Variants in KIF20B observed in about 807,000 individuals in gnomAD.
KIF20B encodes kinesin-like protein KIF20B.
KIF20B carries 188 observed loss-of-function variants against 232.5 expected under a neutral mutation model. The ratio of observed to expected loss-of-function variants is 0.81; its 90% CI spans 0.72 to 0.91. KIF20B has a LOEUF of 0.91. KIF20B is among the 40% of genes least tolerant of loss of function. The pLI is 0.00. For missense variants in KIF20B, 2,154 were observed against 2,055.9 expected (o/e 1.05, Z -0.92); for synonymous variants, 712 against 683.0 (o/e 1.04, Z -0.66).
At chr10:89,736,125 T>C (rs927421919) in intron 19 of KIF20B, among the ~76,000 whole-genome samples, 1 of 152,160 alleles carries the variant, frequency 6.6e-6, no homozygotes, top group Non-Finnish European at 1.5e-5. Flanking sequence ...AACAATGTTG[T>C]AAAGTCTACT....
At chr10:89,701,856 G>A (rs972668293) in intron 1 of KIF20B, 176 bp downstream of exon 1, 2 of 152,374 alleles carry the variant, frequency 1.3e-5, no homozygotes, top group African/African-American at 4.8e-5. Flanking sequence ...GGGGTACGCA[G>A]CGAGGAATGA....
chr10:89,716,272 T>G (rs1842932299), intron 8 of KIF20B, among the ~76,000 whole-genome samples, 164 bp from the exon 9 acceptor site: 1 of 152,226 alleles, frequency 6.6e-6, no homozygotes, highest in African/African-American at 2.4e-5. Context: ...TGTTACAATC[T>G]TCTCTGGTGT....
At chr10:89,724,281 T>G (rs1185748093) in intron 14 of KIF20B, among the ~76,000 whole-genome samples, 178 bp downstream of exon 14, 2 of 151,942 alleles carry the variant, frequency 1.3e-5, no homozygotes, top group Admixed American at 1.3e-4. Flanking sequence ...AATCCCAGCA[T>G]TTTGGGAGGC....
chr10:89,704,722 A>T (rs1369313246), intron 1 of KIF20B, among the ~76,000 whole-genome samples: 4 of 151,718 alleles, frequency 2.6e-5, no homozygotes, highest in African/African-American at 7.3e-5. Flanking sequence ...CGCCTGGCTA[A>T]TTTTTTTTGT....
chr10:89,759,826 T>A (rs1269860904), intron 27 of KIF20B, among the ~76,000 whole-genome samples: 4 of 152,174 alleles, frequency 2.6e-5, no homozygotes, highest in Non-Finnish European at 4.4e-5. Flanking sequence ...TCTTTCTTAT[T>A]TGGCAGTAAT....
chr10:89,747,792 C>T (rs1483687936), intron 23 of KIF20B, among the ~76,000 whole-genome samples: 3 of 151,836 alleles, frequency 2.0e-5, no homozygotes, highest in Non-Finnish European at 2.9e-5. Context: ...TGCTAGATGA[C>T]GAGTTAGTGG....
chr10:89,714,006 G>GA (rs1414234654), intron 6 of KIF20B, 41 bp from the exon 7 acceptor site: 49 of 1,025,992 alleles, frequency 4.8e-5, no homozygotes, highest in Non-Finnish European at 6.7e-5. Flanking sequence ...TAACCTTAAT[G>GA]AAAATGTTTT....
chr10:89,735,901 G>C (rs1426490010), intron 19 of KIF20B, among the ~76,000 whole-genome samples: 3 of 152,090 alleles, frequency 2.0e-5, no homozygotes, highest in African/African-American at 7.2e-5. Flanking sequence ...ATTGTCTTCT[G>C]CTCTTATAGA....
intron 22 of KIF20B, among the ~76,000 whole-genome samples, chr10:89,745,568 GT>G (rs78446026): frequency 0.31 from 47,300 of 150,970 alleles, 8,354 homozygotes; most frequent in African/African-American, 0.47. Flanking sequence ...CATATAAAGT[GT>G]TTTTTTTTAA....
At chr10:89,711,200 C>A in intron 6 of KIF20B, 55 bp downstream of exon 6, 1 of 1,072,194 alleles carries the variant, frequency 9.3e-7, no homozygotes, top group Non-Finnish European at 1.3e-6. Context: ...TCTTATAAAC[C>A]CTTTAGATTG....
Position 89,738,394 on chromosome 10 carries a change from C to G in KIF20B, c.3553C>G (p.Gln1185Glu), listed in dbSNP as rs147796970. The G allele has an allele frequency of 5.6e-5, 90 of 1,602,072 alleles. No individual in the cohort carries two copies. In the African/African-American group the frequency reaches 9.9e-4, roughly 18 times the overall value. The change falls in exon 20 of 33, where the codon CAA becomes GAA. Residue 1185 changes from glutamine to glutamate, a missense_variant. Gln to Glu is a conservative substitution (Grantham distance 29). Coordinates refer to ENST00000371728, the MANE Select transcript of KIF20B (RefSeq NM_001284259.2). ...VECSHSAKLE[Q>E]DILEKESIIL... ...ATGTAGTCATTCAGCCAAGTTAGAA[C>G]AAGACATTTTGGAAAAGGAATCTAT...
chr10:89,710,186 A>G (rs1842808218), intron 5 of KIF20B, 121 bp downstream of exon 5: 1 of 866,352 alleles, frequency 1.2e-6, no homozygotes, highest in Admixed American at 2.8e-5. Context: ...TCTATTTTTA[A>G]TAGTACTAGC....
intron 14 of KIF20B, 63 bp downstream of exon 14, chr10:89,724,166 T>C (rs1454373477): frequency 1.4e-6 from 2 of 1,390,756 alleles, no homozygotes; most frequent in Non-Finnish European, 1.9e-6. Flanking sequence ...TTAGTTTTTT[T>C]TTTTACTTAG....
intron 14 of KIF20B, 124 bp from the exon 15 acceptor site, chr10:89,724,896 T>A: frequency 1.1e-6 from 1 of 898,284 alleles, no homozygotes; most frequent in Non-Finnish European, 1.7e-6. Flanking sequence ...ATTACAGGCG[T>A]GAACCACTGT....
At chr10:89,747,564 T>G (rs970216444) in intron 23 of KIF20B, among the ~76,000 whole-genome samples, 17 of 151,126 alleles carry the variant, frequency 1.1e-4, no homozygotes, top group East Asian at 5.8e-4. Flanking sequence ...CCATAAAAAA[T>G]GATGAGTTCA....
chr10:89,765,036 C>T (rs1392270419), intron 29 of KIF20B, among the ~76,000 whole-genome samples: 2 of 151,432 alleles, frequency 1.3e-5, no homozygotes, highest in Non-Finnish European at 2.9e-5. Flanking sequence ...TTAGGTCTAA[C>T]GTTTAAGTCT....
intron 19 of KIF20B, 42 bp from the exon 20 acceptor site, chr10:89,737,345 T>C (rs1266960368): frequency 3.6e-5 from 51 of 1,429,138 alleles, no homozygotes; most frequent in Non-Finnish European, 4.4e-5. Flanking sequence ...TTTGGTTTTA[T>C]TAAGGTTTGC....
intron 26 of KIF20B, among the ~76,000 whole-genome samples, chr10:89,755,459 C>T (rs1394658038): frequency 8.5e-6 from 1 of 117,462 alleles, no homozygotes; most frequent in African/African-American, 3.1e-5. Context: ...CTTTCCTTCC[C>T]TCCCCTCCCC....
At chr10:89,757,038 G>GTATATATA (rs1286710895) in intron 26 of KIF20B, among the ~76,000 whole-genome samples, 28 of 79,090 alleles carry the variant, frequency 3.5e-4, no homozygotes, top group African/African-American at 9.9e-4. Context: ...GTGTGTGTGT[G>GTATATATA]TGTATATATA....
Sources: allele counts gnomAD v4.1 joint callset (sites outside exome capture counted in the v4.1 genomes callset), GRCh38; gene constraint gnomAD v4.1.1; transcripts MANE v1.5; gene names NCBI Gene and HGNC (gene_info 2026-07-23, HGNC 2026-07-21).